Variants in DNAH7 observed in about 807,000 individuals in gnomAD.
The protein encoded by DNAH7 is dynein axonemal heavy chain 7.
Under a neutral mutation model 444.6 loss-of-function variants are expected in DNAH7, and 397 were observed. The observed-to-expected ratio is 0.89, with a 90% CI of 0.82 to 0.97. The LOEUF (loss-of-function observed/expected upper bound fraction) is 0.97. Among genes scored for constraint, DNAH7 ranks in the 50% least tolerant of loss-of-function variants. DNAH7 has a pLI of 0.00. For missense variants in DNAH7, 4,902 were observed against 4,800.8 expected (o/e 1.02, Z -0.62); for synonymous variants, 1,636 against 1,624.4 (o/e 1.01, Z -0.17).
In DNAH7 at chr2:195,934,738, A is replaced by G. The variant is rs1559242178; in HGVS notation, c.3324T>C (p.Phe1108=). Residue 1108 remains phenylalanine, a synonymous_variant, in exon 21 of 65, where the codon TTT becomes TTC. Coordinates refer to ENST00000312428, the MANE Select transcript of DNAH7 (RefSeq NM_018897.3). ...KCFEGIAKVE[F]TETLDITHMK... ...TGTGAGTAATGTCTAAAGTTTCCGT[A>G]AATTCTACCTTTGCGATTCCTTCAA... is the stretch of plus-strand genomic sequence containing the variant. The G allele has an allele frequency of 6.2e-7, 1 of 1,614,144 alleles. No homozygotes were observed. Among genetic ancestry groups the G allele is most frequent in the Non-Finnish European group, 8.5e-7 (1 of 1,180,004 alleles).
Position 195,856,009 on chromosome 2 carries a change from G to GA in DNAH7, c.8415-19dup. 1.3e-6 allele frequency: 2 copies of GA among 1,597,582 alleles called. No homozygotes were observed. The highest frequency in any genetic ancestry group is 1.7e-6 in the Non-Finnish European group (2 of 1,172,666). ...TTGCCACTCTGCAAAAAGTAAAATT[G>GA]AAAAATTAAATATTCATTTAATATT... On this transcript the variant is annotated intron_variant, in intron 44 of 64. Coordinates refer to ENST00000312428, the MANE Select transcript of DNAH7 (RefSeq NM_018897.3).
intron 61 of DNAH7, among the ~76,000 whole-genome samples, chr2:195,764,256 AT>A: frequency 6.6e-6 from 1 of 152,162 alleles, no homozygotes; most frequent in Non-Finnish European, 1.5e-5. Flanking sequence ...AATAAAAGCC[AT>A]ATATGACAGA....
chr2:196,010,275 A>C (rs1484408139), intron 10 of DNAH7, among the ~76,000 whole-genome samples: 1 of 151,550 alleles, frequency 6.6e-6, no homozygotes, highest in African/African-American at 2.4e-5. Context: ...TCAGCTTCCC[A>C]AGTAGCTGGG....
At chr2:195,862,059 G>T in intron 41 of DNAH7, 113 bp from the exon 42 acceptor site, 1 of 783,210 alleles carries the variant, frequency 1.3e-6, no homozygotes, top group Non-Finnish European at 2.1e-6. Flanking sequence ...ATAGTGTGAG[G>T]GATGGTGTGG....
rs1480603894 is a variant in DNAH7 at position 195,861,612 on chromosome 2, T to C, written c.7736+105A>G. 1.0e-5 allele frequency: 8 copies of C among 792,106 alleles called. No homozygotes were observed. In the Admixed American group the frequency reaches 2.3e-4, roughly 23 times the overall value. The allele number at this position is 792,106 out of a possible 1,614,324, so 49.1% of individuals were successfully genotyped here. ...TTTAAAGATGTAACAAAACTTACAGTATATTTCTACGAAATAAATCTCCAT... is the reference window on the plus strand; with the variant it reads ...TTTAAAGATGTAACAAAACTTACAGCATATTTCTACGAAATAAATCTCCAT... On this transcript the variant is annotated intron_variant, in intron 42 of 64. Transcript: ENST00000312428.
chr2:195,775,660 A>C (rs1695027627), intron 60 of DNAH7, among the ~76,000 whole-genome samples, 186 bp downstream of exon 60: 2 of 152,110 alleles, frequency 1.3e-5, no homozygotes, highest in Non-Finnish European at 2.9e-5. Context: ...AAAAAAAAAA[A>C]AAACACACGT....
At chr2:195,760,503 GCA>G (rs1326608604) in intron 61 of DNAH7, among the ~76,000 whole-genome samples, 9 of 152,076 alleles carry the variant, frequency 5.9e-5, no homozygotes, top group Non-Finnish European at 1.2e-4. Flanking sequence ...GTCTGACCCA[GCA>G]CAGTCTCAAT....
chr2:195,750,637 C>T (rs1262173157), intron 63 of DNAH7, among the ~76,000 whole-genome samples: 1 of 152,180 alleles, frequency 6.6e-6, no homozygotes, highest in Non-Finnish European at 1.5e-5. Context: ...GTCTGAATCT[C>T]ACCTCTGTTC....
chr2:195,918,241 C>T (rs1459294291), intron 24 of DNAH7, among the ~76,000 whole-genome samples: 2 of 152,198 alleles, frequency 1.3e-5, no homozygotes, highest in Non-Finnish European at 2.9e-5. Flanking sequence ...TGAGATGCCA[C>T]TACACATCTA....
Position 195,910,026 on chromosome 2 carries a change from C to T in DNAH7, c.4104+1G>A. On this transcript the variant is annotated splice_donor_variant, in intron 25 of 64. Coordinates refer to ENST00000312428, the MANE Select transcript of DNAH7 (RefSeq NM_018897.3). LOFTEE classifies it high-confidence loss of function. ...TAAAGAAATGAGGAGTTAATTCAAA[C>T]CTTAAAGAATTTTCCCAAAGCCAAA... 1.2e-6 allele frequency: 2 copies of T among 1,610,626 alleles called. No homozygotes were observed. Among genetic ancestry groups the T allele is most frequent in the South Asian group, 1.1e-5 (1 of 90,464 alleles).
chr2:195,890,282 C>T (rs1022240920), intron 31 of DNAH7, among the ~76,000 whole-genome samples: 1 of 152,174 alleles, frequency 6.6e-6, no homozygotes, highest in African/African-American at 2.4e-5. Flanking sequence ...GCTTCCTCTC[C>T]TGCTGTGGGC....
At position 195,800,256 on chromosome 2, in the gene DNAH7, G is replaced by A. The variant is rs373708806; in HGVS notation, c.10177-784C>T. Among the ~76,000 whole-genome samples, 5 of 152,232 alleles carry A rather than the reference G, an allele frequency of 3.3e-5. No homozygotes were observed. The South Asian group carries it at 8.3e-4, about 25-fold the overall frequency. On this transcript the variant is annotated intron_variant, in intron 54 of 64. Coordinates refer to ENST00000312428, the MANE Select transcript of DNAH7 (RefSeq NM_018897.3). ...AAATTTCAAGGTGAGCTTTGGTGGG[G>A]ACAAACTCAAAGTACACCAATAATT...
chr2:195,831,841 C>T (rs1003601199), intron 48 of DNAH7, among the ~76,000 whole-genome samples: 4 of 152,116 alleles, frequency 2.6e-5, no homozygotes, highest in Non-Finnish European at 4.4e-5. Flanking sequence ...AGAAAGGGAA[C>T]GTCCATCACT....
rs1233432261 is a variant in DNAH7, at chr2:195,872,373, A to G, written c.6510T>C (p.Thr2170=). 1 of 1,613,930 alleles carries G rather than the reference A, an allele frequency of 6.2e-7. No individual in the cohort carries two copies. Among genetic ancestry groups the G allele is most frequent in the Non-Finnish European group, 8.5e-7 (1 of 1,179,854 alleles). Residue 2170 remains threonine, a synonymous_variant, in exon 40 of 65, where the codon ACT becomes ACC. Coordinates refer to ENST00000312428, the MANE Select transcript of DNAH7 (RefSeq NM_018897.3). The part of the protein sequence containing the change: ...YKEAMKNLLP[T]PAKSHYLFNL... ...TGAACAAGTAGTGAGATTTAGCTGGAGTAGGCAAGAGATTCTTCATTGCTT... is the reference window on the plus strand; with the variant it reads ...TGAACAAGTAGTGAGATTTAGCTGGGGTAGGCAAGAGATTCTTCATTGCTT...
In DNAH7 at chr2:195,845,024, T is replaced by C. The variant is rs1011061194; in HGVS notation, c.8923A>G (p.Ile2975Val). 3 of 1,613,588 alleles carry C rather than the reference T, an allele frequency of 1.9e-6. No homozygotes were observed. Among genetic ancestry groups the C allele is most frequent in the East Asian group, 4.5e-5 (2 of 44,816 alleles). ...TACATTATGATTATCCCATTATCAA[T>C]GGAAAATGAGTCAGAAGGTAATCCA... ...IAGLPSDSFS[I>V]DNGIIIMNAR... Residue 2975 changes from isoleucine to valine, a missense_variant, in exon 47 of 65, where the codon ATT (isoleucine) becomes GTT (valine). Physicochemically the swap from Ile to Val is conservative, Grantham distance 29 (BLOSUM62 3). Coordinates refer to ENST00000312428, the MANE Select transcript of DNAH7 (RefSeq NM_018897.3).
intron 17 of DNAH7, among the ~76,000 whole-genome samples, chr2:195,965,672 T>C (rs1273702009): frequency 6.6e-6 from 1 of 152,174 alleles, no homozygotes; most frequent in African/African-American, 2.4e-5. Context: ...AGGTTTTGGA[T>C]TGCTGCATGG....
intron 64 of DNAH7, among the ~76,000 whole-genome samples, chr2:195,738,866 T>C (rs964157748): frequency 1.3e-5 from 2 of 152,178 alleles, no homozygotes; most frequent in Non-Finnish European, 2.9e-5. Flanking sequence ...GACCCCTCTT[T>C]TAGGTTTCTC....
intron 57 of DNAH7, among the ~76,000 whole-genome samples, chr2:195,793,828 C>T (rs1479109489): frequency 2.0e-5 from 3 of 152,158 alleles, no homozygotes; most frequent in Non-Finnish European, 4.4e-5. Flanking sequence ...CACAGACATT[C>T]ACGTACACAA....
chr2:195,846,273 A>G (rs1277094166), intron 46 of DNAH7, among the ~76,000 whole-genome samples: 2 of 152,226 alleles, frequency 1.3e-5, no homozygotes, highest in Non-Finnish European at 2.9e-5. Context: ...CAACATCGCT[A>G]GTCATTAGAG....
Sources: allele counts gnomAD v4.1 joint callset (sites outside exome capture counted in the v4.1 genomes callset), GRCh38; gene constraint gnomAD v4.1.1; transcripts MANE v1.5; gene names NCBI Gene and HGNC (gene_info 2026-07-23, HGNC 2026-07-21).